The following ACP7 variants were observed in gnomAD, a reference collection of about 807,000 sequenced individuals.
ACP7 encodes the protein acid phosphatase type 7.
A neutral mutation model predicts 60.6 loss-of-function variants in ACP7; 58 were observed. The observed-to-expected ratio is 0.96, with a 90% CI of 0.77 to 1.19. The LOEUF is 1.19. Among genes scored for constraint, ACP7 ranks in the 50% most tolerant of loss-of-function variants. The pLI, the probability that ACP7 is intolerant of heterozygous loss-of-function variation, is 0.00. For missense variants in ACP7, 574 were observed against 596.2 expected (o/e 0.96, Z 0.39); for synonymous variants, 237 against 232.6 (o/e 1.02, Z -0.17).
At chr19:39,107,685 A>C (rs1371583624) in intron 12 of ACP7, among the ~76,000 whole-genome samples, 1 of 151,912 alleles carries the variant, frequency 6.6e-6, no homozygotes, top group African/African-American at 2.4e-5. Flanking sequence ...CAGGAGTTAG[A>C]GACCAGCCTG....
In ACP7 at chr19:39,099,138, T is replaced by G; in HGVS notation, c.501T>G (p.His167Gln). The change falls in exon 4 of 13, where the codon CAT becomes CAG. Residue 167 changes from histidine to glutamine, a missense_variant. Physicochemically the swap from His to Gln is conservative, Grantham distance 24. Transcript: ENST00000331256. ...TQQGMYDAVL[H>Q]VGDFAYNLDQ... ...AGGGCATGTATGACGCCGTTCTCCA[T>G]GTGGGTGAGGCATCCGCAGGGGCGC... 1 of 1,526,382 alleles carries G rather than the reference T, an allele frequency of 6.6e-7. No individual in the cohort carries two copies. Among genetic ancestry groups the G allele is most frequent in the Non-Finnish European group, 8.8e-7 (1 of 1,141,582 alleles). The allele number at this position is 1,526,382 out of a possible 1,614,324, so 94.6% of individuals were successfully genotyped here.
intron 2 of ACP7, among the ~76,000 whole-genome samples, chr19:39,097,797 C>G (rs1279733561): frequency 2.0e-5 from 3 of 152,004 alleles, no homozygotes; most frequent in Non-Finnish European, 1.5e-5. Flanking sequence ...ATACTCATTC[C>G]CGCATATAAC....
In ACP7 at chr19:39,107,007, G is replaced by T; in HGVS notation, c.1174G>T (p.Val392Leu). ...CCCGAGGCCCTGGAGTGCCGTGCGT[G>T]TGAAGGAGTACGGGTATACGCGGCT... is the stretch of plus-strand genomic sequence containing the variant. ...VFPRPWSAVR[V>L]KEYGYTRLHI... The change falls in exon 12 of 13, where the codon GTG becomes TTG. Residue 392 changes from valine to leucine, a missense_variant. By Grantham distance (32) the Val-to-Leu change is conservative. Coordinates refer to ENST00000331256, the MANE Select transcript of ACP7 (RefSeq NM_001004318.3). 1 of 1,614,128 alleles carries T rather than the reference G, an allele frequency of 6.2e-7. No homozygotes were observed. Among genetic ancestry groups the T allele is most frequent in the Non-Finnish European group, 8.5e-7 (1 of 1,180,026 alleles).
At position 39,098,597 on chromosome 19, in the gene ACP7, C is replaced by T. The variant is rs1443114543; in HGVS notation, c.261C>T (p.Leu87=). 6.2e-7 allele frequency: 1 copy of T among 1,613,676 alleles called. No individual in the cohort carries two copies. The highest frequency in any genetic ancestry group is 1.7e-5 in the Admixed American group (1 of 59,984). The stretch of plus-strand genomic sequence containing the variant: ...TCCCCTTTGTGGACGGGGGCATTCT[C>T]CGGCGGAAGCTCTACATACACCGAG... The part of the protein sequence containing the change: ...TFVPFVDGGI[L]RRKLYIHRVT... Residue 87 remains leucine (L), a synonymous_variant, in exon 3 of 13, where the codon CTC becomes CTT. Transcript: ENST00000331256.
chr19:39,109,200 C>T (rs2073442425), intron 12 of ACP7, among the ~76,000 whole-genome samples: 1 of 152,100 alleles, frequency 6.6e-6, no homozygotes, highest in Non-Finnish European at 1.5e-5. Context: ...AACTGAGGCT[C>T]AGAGAGGGGA....
chr19:39,089,431 C>A (rs1184736132), intron 2 of ACP7, among the ~76,000 whole-genome samples: 1 of 152,154 alleles, frequency 6.6e-6, no homozygotes, highest in Non-Finnish European at 1.5e-5. Flanking sequence ...AAAAATATTA[C>A]AGAGTTCCTG....
At chr19:39,098,868 T>C in intron 3 of ACP7, 92 bp from the exon 4 acceptor site, 3 of 1,434,924 alleles carry the variant, frequency 2.1e-6, no homozygotes, top group Non-Finnish European at 1.9e-6. Flanking sequence ...AGTCCCCCCA[T>C]CTCCTCCCCT....
intron 12 of ACP7, among the ~76,000 whole-genome samples, chr19:39,107,779 G>C (rs1030583139): frequency 7.9e-5 from 12 of 152,014 alleles, no homozygotes; most frequent in African/African-American, 2.9e-4. Flanking sequence ...CCAGCTACAA[G>C]GGAGGTTGAG....
chr19:39,110,946 A>G lies in ACP7; in HGVS notation c.*828A>G, dbSNP rs1187577590. On this transcript the variant is annotated 3_prime_UTR_variant, in exon 13 of 13. Coordinates refer to ENST00000331256, the MANE Select transcript of ACP7 (RefSeq NM_001004318.3). ...CTAACCAGAGAGTTGGACAAAAATCACGATAAATGAGTTGGTTAAATAGCG... is the reference window on the plus strand; with the variant it reads ...CTAACCAGAGAGTTGGACAAAAATCGCGATAAATGAGTTGGTTAAATAGCG... 6.6e-6 allele frequency: 1 copy of G among 152,250 alleles called. No homozygotes were observed. Among genetic ancestry groups the G allele is most frequent in the Non-Finnish European group, 1.5e-5 (1 of 68,058 alleles). The allele number at this position is 152,250 out of a possible 1,614,324, so 9.4% of individuals were successfully genotyped here. A position where few individuals can be genotyped will look rare whatever the true frequency, so the allele number is the denominator to read the frequency against.
rs868817223 is a variant in ACP7 at position 39,101,352 on chromosome 19, C to A, written c.1038C>A (p.Tyr346Ter). 1.2e-6 allele frequency: 2 copies of A among 1,614,032 alleles called. No individual in the cohort carries two copies. The highest frequency in any genetic ancestry group is 1.7e-5 in the Admixed American group (1 of 59,996). Residue 346 changes from tyrosine (Y) to a stop codon, truncating the protein, a stop_gained, in exon 10 of 13, where the codon TAC becomes TAA. Transcript: ENST00000331256. LOFTEE classifies it high-confidence loss of function. ...SYERLWPIYN[Y>*]QVFNGSREMP... is the part of the protein sequence containing the mutation. Reference sequence around the variant, plus strand: ...AACGACTGTGGCCAATTTACAACTACCAGGTGAGGCACGTGAAGGGCTGAG... The same window carrying A: ...AACGACTGTGGCCAATTTACAACTAACAGGTGAGGCACGTGAAGGGCTGAG...
Position 39,101,214 on chromosome 19 carries a change from G to A in ACP7, c.973+7G>A, listed in dbSNP as rs200594343. 4 of 1,613,980 alleles carry A rather than the reference G, an allele frequency of 2.5e-6. No homozygotes were observed. The highest frequency in any genetic ancestry group is 3.3e-5 in the Admixed American group (2 of 59,986). ...GATCTTTTCTACAAATATGGTGAGC[G>A]ACCCTCAGGACCCATGCCCCACACC... On this transcript the variant is annotated splice_region_variant and intron_variant, in intron 9 of 12. Coordinates refer to ENST00000331256, the MANE Select transcript of ACP7 (RefSeq NM_001004318.3).
intron 12 of ACP7, among the ~76,000 whole-genome samples, chr19:39,107,577 T>TAAAAAAA (rs2073425158): frequency 6.3e-5 from 3 of 47,658 alleles, no homozygotes; most frequent in Non-Finnish European, 1.2e-4. Context: ...AGACTCTGTC[T>TAAAAAAA]CAAAAAAAAA....
In ACP7 at chr19:39,101,020, C is replaced by A. The variant is rs756183542; in HGVS notation, c.879C>A (p.Asn293Lys). 21 of 1,613,876 alleles carry A rather than the reference C, an allele frequency of 1.3e-5. No individual in the cohort carries two copies. The highest frequency in any genetic ancestry group is 1.7e-5 in the Non-Finnish European group (20 of 1,180,038). The change falls in exon 8 of 13, where the codon AAC becomes AAA. Residue 293 changes from asparagine to lysine, a missense_variant. Coordinates refer to ENST00000331256, the MANE Select transcript of ACP7 (RefSeq NM_001004318.3). ...GGCACCGGCCCATGTACTGCTCCAA[C>A]GCAGATCTGGACGACTGCACACGAC... ...TMGHRPMYCSNADLDDCTRHE... is the reference protein window; with the variant it reads ...TMGHRPMYCSKADLDDCTRHE...
chr19:39,100,550 C>G, intron 5 of ACP7, 30 bp from the exon 6 acceptor site: 1 of 1,611,892 alleles, frequency 6.2e-7, no homozygotes, highest in Non-Finnish European at 8.5e-7. Context: ...CAGTCCTTCA[C>G]CTCCATCCCT....
intron 11 of ACP7, among the ~76,000 whole-genome samples, chr19:39,102,320 AAAC>A (rs748629646): frequency 6.6e-5 from 10 of 152,234 alleles, no homozygotes; most frequent in Middle Eastern, 3.4e-3. Flanking sequence ...TCCCATATCT[AAAC>A]AACAACAAAA....
rs142073546 is a variant in ACP7 at position 39,107,000 on chromosome 19, C to G, written c.1167C>G (p.Ala389=). 1 of 1,613,912 alleles carries G rather than the reference C, an allele frequency of 6.2e-7. No homozygotes were observed. Among genetic ancestry groups the G allele is most frequent in the Non-Finnish European group, 8.5e-7 (1 of 1,180,022 alleles). The part of the protein sequence containing the change: ...PFAVFPRPWS[A]VRVKEYGYTR... ...CTGTCTTCCCGAGGCCCTGGAGTGC[C>G]GTGCGTGTGAAGGAGTACGGGTATA... Residue 389 remains alanine (A), a synonymous_variant, in exon 12 of 13, where the codon GCC becomes GCG. Coordinates refer to ENST00000331256, the MANE Select transcript of ACP7 (RefSeq NM_001004318.3).
At chr19:39,103,051 T>C (rs2073373251) in intron 11 of ACP7, among the ~76,000 whole-genome samples, 1 of 151,962 alleles carries the variant, frequency 6.6e-6, no homozygotes, top group Admixed American at 6.6e-5. Context: ...CTGGCGAGGC[T>C]GGTCTCAAAC....
intron 2 of ACP7, among the ~76,000 whole-genome samples, chr19:39,088,934 A>AT (rs112131941): frequency 2.4e-3 from 322 of 133,010 alleles, no homozygotes; most frequent in South Asian, 9.5e-3. Flanking sequence ...GTATTTTTGC[A>AT]TTTTTTTTTT....
chr19:39,096,051 G>A (rs1346927857), intron 2 of ACP7, among the ~76,000 whole-genome samples: 1 of 152,182 alleles, frequency 6.6e-6, no homozygotes. Context: ...AGATGGGAGG[G>A]GCTGCCGCAA....
Sources: gnomAD v4.1 joint callset for allele counts (sites outside exome capture counted in the v4.1 genomes callset) on GRCh38, gnomAD v4.1.1 for gene constraint, MANE v1.5 for transcripts, NCBI Gene and HGNC (gene_info 2026-07-23, HGNC 2026-07-21) for gene names.